Variants in CACNG2 observed in about 807,000 individuals in gnomAD.
CACNG2 encodes voltage-dependent calcium channel gamma-2 subunit.
CACNG2 carries 3 observed loss-of-function variants against 25.9 expected under a neutral mutation model. The observed-to-expected ratio is 0.12, with a 90% CI of 0.05 to 0.30. The LOEUF is 0.30. Among genes scored for constraint, CACNG2 ranks in the 10% least tolerant of loss-of-function variants. The probability of loss-of-function intolerance (pLI) is 1.00; values close to 1 mark genes in which losing one functional copy is unlikely to be tolerated. For missense variants in CACNG2, 341 were observed against 432.5 expected (o/e 0.79, Z 1.88); for synonymous variants, 167 against 173.3 (o/e 0.96, Z 0.29).
Position 36,601,502 on chromosome 22 carries a change from AT to A in CACNG2, c.212-13955del, listed in dbSNP as rs201811706. Among the ~76,000 whole-genome samples the A allele has an allele frequency of 4.7e-5, 7 of 148,112 alleles. No individual in the cohort carries two copies. In the South Asian group the frequency reaches 1.1e-3, roughly 23 times the overall value. ...AGTGTAGATACCTTTTTTATTTTTT[AT>A]TTTTTTTTGGGACAGGGTCTCCCTT... On this transcript the variant is annotated intron_variant, in intron 1 of 3. Coordinates refer to ENST00000300105, the MANE Select transcript of CACNG2 (RefSeq NM_006078.5).
intron 1 of CACNG2, among the ~76,000 whole-genome samples, chr22:36,598,883 G>C (rs553298095): frequency 2.0e-5 from 3 of 152,166 alleles, no homozygotes; most frequent in African/African-American, 4.8e-5. Context: ...GGAGGCTGAG[G>C]TGGGAGATTG....
intron 1 of CACNG2, among the ~76,000 whole-genome samples, chr22:36,675,648 CTGT>C (rs1937010691): frequency 6.6e-6 from 1 of 152,246 alleles, no homozygotes; most frequent in Non-Finnish European, 1.5e-5. Flanking sequence ...ACGGCATGGT[CTGT>C]CCTGGCAGTG....
At chr22:36,619,923 T>C (rs1936080445) in intron 1 of CACNG2, among the ~76,000 whole-genome samples, 1 of 152,260 alleles carries the variant, frequency 6.6e-6, no homozygotes, top group Non-Finnish European at 1.5e-5. Flanking sequence ...AGTTAAATGC[T>C]GTCACTTGGG....
chr22:36,586,939 G>A (rs1935514412), intron 2 of CACNG2, among the ~76,000 whole-genome samples: 1 of 39,948 alleles, frequency 2.5e-5, no homozygotes, highest in South Asian at 8.9e-4. Context: ...GACTTGCGGG[G>A]GAAGAAAAAA....
intron 1 of CACNG2, among the ~76,000 whole-genome samples, chr22:36,640,492 GC>G (rs1936426598): frequency 6.6e-6 from 1 of 152,216 alleles, no homozygotes; most frequent in African/African-American, 2.4e-5. Context: ...GCAGGCCTCT[GC>G]AGCTGGACAG....
chr22:36,650,543 T>C (rs1936595240), intron 1 of CACNG2, among the ~76,000 whole-genome samples: 1 of 151,742 alleles, frequency 6.6e-6, no homozygotes, highest in Non-Finnish European at 1.5e-5. Flanking sequence ...CCAGCTAATA[T>C]TTTTTTTAAA....
intron 1 of CACNG2, among the ~76,000 whole-genome samples, chr22:36,641,456 G>T (rs1936441500): frequency 1.3e-5 from 2 of 152,162 alleles, no homozygotes; most frequent in African/African-American, 4.8e-5. Flanking sequence ...TAATTCCCTT[G>T]TTATCAAATT....
At chr22:36,663,677 G>C (rs41311053) in intron 1 of CACNG2, among the ~76,000 whole-genome samples, 2 of 152,230 alleles carry the variant, frequency 1.3e-5, no homozygotes, top group Admixed American at 1.3e-4. Flanking sequence ...AGAGTTTGCA[G>C]CGCTCGCAGA....
In CACNG2 at chr22:36,562,644, A is replaced by T. The variant is rs147839132; in HGVS notation, c.*1707T>A. 639 of 152,264 alleles carry T rather than the reference A, an allele frequency of 4.2e-3. 2 individuals carry two copies. The highest frequency in any genetic ancestry group is 6.9e-3 in the Non-Finnish European group (467 of 68,072). 9.4% of individuals were successfully genotyped at this position (152,264 alleles called of 1,614,324 possible). A position where few individuals can be genotyped will look rare whatever the true frequency, so the allele number is the denominator to read the frequency against. ...CTTTGAGCCACGCCCCTGGCCGTGT[A>T]TGGGATGGAAGGGTTGAGACTGAGT... On this transcript the variant is annotated 3_prime_UTR_variant, in exon 4 of 4. Coordinates refer to ENST00000300105, the MANE Select transcript of CACNG2 (RefSeq NM_006078.5).
chr22:36,595,069 GTC>G (rs1396677509), intron 1 of CACNG2, among the ~76,000 whole-genome samples: 2 of 150,088 alleles, frequency 1.3e-5, no homozygotes, highest in Admixed American at 1.3e-4. Flanking sequence ...CTTTGTGTGT[GTC>G]TCTGTGTGTA....
At chr22:36,669,869 C>T (rs893689420) in intron 1 of CACNG2, among the ~76,000 whole-genome samples, 1 of 151,998 alleles carries the variant, frequency 6.6e-6, no homozygotes, top group South Asian at 2.1e-4. Flanking sequence ...CCCAACACCA[C>T]GCCCAGTGAA....
chr22:36,700,933 T>C (rs1021111842), intron 1 of CACNG2, among the ~76,000 whole-genome samples: 2 of 152,170 alleles, frequency 1.3e-5, no homozygotes, highest in South Asian at 4.1e-4. Flanking sequence ...ACCAAGAATG[T>C]TGGGAGGGGG....
intron 1 of CACNG2, among the ~76,000 whole-genome samples, chr22:36,601,610 C>T (rs1935754513): frequency 6.6e-6 from 1 of 152,100 alleles, no homozygotes; most frequent in Non-Finnish European, 1.5e-5. Context: ...TCTCATGCTT[C>T]AGGCTCCCAA....
At chr22:36,608,889 C>A (rs1935882530) in intron 1 of CACNG2, among the ~76,000 whole-genome samples, 1 of 152,104 alleles carries the variant, frequency 6.6e-6, no homozygotes, top group Non-Finnish European at 1.5e-5. Context: ...TACCTGCTAG[C>A]TATTGTTAAT....
chr22:36,636,757 T>C (rs2145962863), intron 1 of CACNG2, among the ~76,000 whole-genome samples: 1 of 152,208 alleles, frequency 6.6e-6, no homozygotes, highest in South Asian at 2.1e-4. Flanking sequence ...TCTATTTCCT[T>C]GAGAAAGACA....
intron 1 of CACNG2, among the ~76,000 whole-genome samples, chr22:36,660,326 G>A (rs1205875225): frequency 6.6e-6 from 1 of 152,228 alleles, no homozygotes; most frequent in Non-Finnish European, 1.5e-5. Context: ...TGGTGGAGCC[G>A]GGCCCGTGAC....
intron 1 of CACNG2, among the ~76,000 whole-genome samples, chr22:36,635,022 G>A (rs554224483): frequency 9.3e-4 from 142 of 152,282 alleles, no homozygotes; most frequent in African/African-American, 2.9e-3. Flanking sequence ...AGTGGCTCAC[G>A]CCTGTAATCC....
At chr22:36,696,524 G>A (rs749919921) in intron 1 of CACNG2, among the ~76,000 whole-genome samples, 30 of 152,204 alleles carry the variant, frequency 2.0e-4, no homozygotes, top group Non-Finnish European at 4.0e-4. Flanking sequence ...GTAGTCATGG[G>A]TTCATTCATT....
At chr22:36,659,389 G>C (rs16997112) in intron 1 of CACNG2, among the ~76,000 whole-genome samples, 1 of 151,996 alleles carries the variant, frequency 6.6e-6, no homozygotes, top group African/African-American at 2.4e-5. Context: ...AGGAAGGAGT[G>C]TGTTAACCAG....
Sources: allele counts gnomAD v4.1 joint callset (sites outside exome capture counted in the v4.1 genomes callset), GRCh38; gene constraint gnomAD v4.1.1; transcripts MANE v1.5; gene names NCBI Gene and HGNC (gene_info 2026-07-23, HGNC 2026-07-21).